AGTR1: variants seen among roughly 807,000 people sequenced by gnomAD.
AGTR1 encodes angiotensin II receptor type 1.
A neutral mutation model predicts 19.4 loss-of-function variants in AGTR1; 16 were observed. The ratio of observed to expected loss-of-function variants is 0.82; its 90% confidence interval spans 0.56 to 1.25. The LOEUF (loss-of-function observed/expected upper bound fraction) is 1.25. Among genes scored for constraint, AGTR1 ranks in the 50% most tolerant of loss-of-function variants. AGTR1 has a pLI of 0.00. For missense variants in AGTR1, 373 were observed against 431.9 expected, an observed-to-expected ratio of 0.86 and a Z score of 1.21; for synonymous variants, 153 against 154.9, an observed-to-expected ratio of 0.99 and a Z score of 0.09.
intron 2 of AGTR1, among the ~76,000 whole-genome samples, chr3:148,719,971 T>C (rs1713533198): frequency 6.6e-6 from 1 of 152,278 alleles, no homozygotes; most frequent in Admixed American, 6.5e-5. Context: ...TTTAAAGTTC[T>C]CTTTCACTTC....
At chr3:148,709,807 G>C (rs762141431) in intron 2 of AGTR1, among the ~76,000 whole-genome samples, 7 of 152,098 alleles carry the variant, frequency 4.6e-5, no homozygotes, top group Non-Finnish European at 8.8e-5. Context: ...TATGTAAACA[G>C]CACTTCAGAG....
In AGTR1 at chr3:148,742,552, G is replaced by C. The variant is rs5189; in HGVS notation, c.*437G>C. 3.2e-6 allele frequency: 1 copy of C among 316,962 alleles called. No individual in the cohort carries two copies. Among genetic ancestry groups the C allele is most frequent in the African/African-American group, 2.2e-5 (1 of 44,754 alleles). 19.6% of individuals were successfully genotyped at this position (316,962 alleles called of 1,614,324 possible). A position where few individuals can be genotyped will look rare whatever the true frequency, so the allele number is the denominator to read the frequency against. On this transcript the variant is annotated 3_prime_UTR_variant, in exon 3 of 3. Transcript: ENST00000349243. Reference sequence around the variant, plus strand: ...CAAAGGGCAGTAAAGTTTTCGTGCCGGTTTTCAGCTATTAGCAACTGTGCT... The same window carrying C: ...CAAAGGGCAGTAAAGTTTTCGTGCCCGTTTTCAGCTATTAGCAACTGTGCT...
intron 2 of AGTR1, among the ~76,000 whole-genome samples, chr3:148,726,428 C>T (rs1162252531): frequency 1.3e-5 from 2 of 152,070 alleles, no homozygotes; most frequent in African/African-American, 4.8e-5. Context: ...AGGCTGGTCT[C>T]GAGCTCCTGA....
chr3:148,741,303 A>G lies in AGTR1; in HGVS notation c.268A>G (p.Met90Val), dbSNP rs570903965. The G allele has an allele frequency of 6.2e-6, 10 of 1,612,208 alleles. 1 individual carries two copies. Among genetic ancestry groups the G allele is most frequent in the Middle Eastern group, 1.7e-4 (1 of 6,060 alleles). Residue 90 changes from methionine to valine, a missense_variant, in exon 3 of 3, where the codon ATG becomes GTG. Coordinates refer to ENST00000349243, the MANE Select transcript of AGTR1 (RefSeq NM_000685.5). ...GCCACTATGGGCTGTCTACACAGCT[A>G]TGGAATACCGCTGGCCCTTTGGCAA... ...TLPLWAVYTA[M>V]EYRWPFGNYL...
At chr3:148,734,212 G>A (rs1354037387) in intron 2 of AGTR1, among the ~76,000 whole-genome samples, 1 of 152,092 alleles carries the variant, frequency 6.6e-6, no homozygotes, top group African/African-American at 2.4e-5. Flanking sequence ...TAAAATGTGG[G>A]ATTAACATTT....
intron 1 of AGTR1, among the ~76,000 whole-genome samples, chr3:148,699,195 G>A (rs986733332): frequency 2.0e-5 from 3 of 152,094 alleles, no homozygotes; most frequent in Non-Finnish European, 4.4e-5. Flanking sequence ...AGTAATAGAG[G>A]CAAGAAATTT....
intron 2 of AGTR1, among the ~76,000 whole-genome samples, chr3:148,712,074 G>A (rs1166644260): frequency 2.6e-5 from 4 of 151,978 alleles, no homozygotes. Flanking sequence ...TTTAACAATT[G>A]AAAGAGCTCA....
At position 148,741,934 on chromosome 3, in the gene AGTR1, T is replaced by C. The variant is rs1225940534; in HGVS notation, c.899T>C (p.Leu300Pro). 6.2e-7 allele frequency: 1 copy of C among 1,614,008 alleles called. No individual in the cohort carries two copies. Among genetic ancestry groups the C allele is most frequent in the African/African-American group, 1.3e-5 (1 of 74,916 alleles). The change falls in exon 3 of 3, where the codon CTT (leucine) becomes CCT (proline). Residue 300 changes from leucine (L) to proline (P), a missense_variant. Leu to Pro is a moderately conservative substitution (Grantham distance 98). Coordinates refer to ENST00000349243, the MANE Select transcript of AGTR1 (RefSeq NM_000685.5). ...TATTTTAACAATTGCCTGAATCCTCTTTTTTATGGCTTTCTGGGGAAAAAA... is the reference window on the plus strand; with the variant it reads ...TATTTTAACAATTGCCTGAATCCTCCTTTTTATGGCTTTCTGGGGAAAAAA... ...IAYFNNCLNP[L>P]FYGFLGKKFK...
chr3:148,723,831 G>A (rs1713781356), intron 2 of AGTR1, among the ~76,000 whole-genome samples: 1 of 152,152 alleles, frequency 6.6e-6, no homozygotes, highest in South Asian at 2.1e-4. Flanking sequence ...ATCGCTGCAT[G>A]TGGAATGGAA....
chr3:148,705,226 T>C (rs1318997978), intron 1 of AGTR1, among the ~76,000 whole-genome samples: 36 of 152,208 alleles, frequency 2.4e-4, no homozygotes, highest in Non-Finnish European at 1.6e-4. Flanking sequence ...TTTTTTCTTT[T>C]TAACAGTTGG....
intron 1 of AGTR1, among the ~76,000 whole-genome samples, chr3:148,705,576 G>A (rs1270514209): frequency 6.6e-6 from 1 of 152,094 alleles, no homozygotes; most frequent in Non-Finnish European, 1.5e-5. Flanking sequence ...TCTTGAGTAT[G>A]TCCTGGTCTA....
chr3:148,718,930 T>A (rs1713450740), intron 2 of AGTR1, among the ~76,000 whole-genome samples: 1 of 152,204 alleles, frequency 6.6e-6, no homozygotes, highest in Non-Finnish European at 1.5e-5. Context: ...GATTTCCGTG[T>A]TTAAGATTAT....
rs568480819 is a variant in AGTR1, at chr3:148,740,125, G to A, written c.-47-864G>A. ...GCATGGCTTTGTGCAGCCCATTCTT[G>A]AGCATCTGATTCTCCCCAGAATTCT... On this transcript the variant is annotated intron_variant, in intron 2 of 2. Coordinates refer to ENST00000349243, the MANE Select transcript of AGTR1 (RefSeq NM_000685.5). 2.0e-5 allele frequency among the ~76,000 whole-genome samples: 3 copies of A among 152,288 alleles called. No homozygotes were observed. The South Asian group carries it at 6.2e-4, about 32-fold the overall frequency.
In AGTR1 at chr3:148,738,195, T is replaced by C. The variant is rs184580545; in HGVS notation, c.-47-2794T>C. On this transcript the variant is annotated intron_variant, in intron 2 of 2. Transcript: ENST00000349243. ...GAAGAAAATTTCCTCCCTGTTCTCA[T>C]AGCTCAGGGCACCCAAGGGATTCTA... 4.6e-5 allele frequency among the ~76,000 whole-genome samples: 7 copies of C among 152,234 alleles called. No individual in the cohort carries two copies. In the East Asian group the frequency reaches 1.4e-3, roughly 29 times the overall value.
At position 148,697,961 on chromosome 3, in the gene AGTR1, G is replaced by C. The variant is rs1449690540; in HGVS notation, c.-298G>C. 1 of 152,360 alleles carries C rather than the reference G, an allele frequency of 6.6e-6. No homozygotes were observed. Among genetic ancestry groups the C allele is most frequent in the Non-Finnish European group, 1.5e-5 (1 of 68,142 alleles). The allele number at this position is 152,360 out of a possible 1,614,324, so 9.4% of individuals were successfully genotyped here. A position where few individuals can be genotyped will look rare whatever the true frequency, so the allele number is the denominator to read the frequency against. ...CAGCGAGTGACAGGACGTCTGGACC[G>C]GCGCGCCGCTAGCAGCTCTGCCGGG... On this transcript the variant is annotated 5_prime_UTR_variant, in exon 1 of 3. Transcript: ENST00000349243.
chr3:148,739,372 A>T (rs988159963), intron 2 of AGTR1, among the ~76,000 whole-genome samples: 20 of 152,090 alleles, frequency 1.3e-4, no homozygotes, highest in African/African-American at 4.8e-4. Flanking sequence ...AAAAAAAAAA[A>T]AAAGTGTCAA....
intron 2 of AGTR1, among the ~76,000 whole-genome samples, chr3:148,723,123 G>A (rs565129191): frequency 6.6e-6 from 1 of 152,296 alleles, no homozygotes; most frequent in East Asian, 1.9e-4. Context: ...GATTAATCCT[G>A]TGTAACTCCC....
intron 2 of AGTR1, among the ~76,000 whole-genome samples, chr3:148,719,782 C>T (rs1398062744): frequency 2.6e-5 from 4 of 152,186 alleles, no homozygotes; most frequent in African/African-American, 7.2e-5. Flanking sequence ...CTGTCTTGTT[C>T]GTAAACTCCC....
chr3:148,728,231 A>C (rs575931402), intron 2 of AGTR1, among the ~76,000 whole-genome samples: 4 of 152,224 alleles, frequency 2.6e-5, no homozygotes, highest in Non-Finnish European at 5.9e-5. Context: ...TAACCTGAGC[A>C]ATGGGAATAA....
Sources: gnomAD v4.1 joint callset for allele counts (sites outside exome capture counted in the v4.1 genomes callset) on GRCh38, gnomAD v4.1.1 for gene constraint, MANE v1.5 for transcripts, NCBI Gene and HGNC (gene_info 2026-07-23, HGNC 2026-07-21) for gene names.